CRTC3: variants seen among roughly 807,000 people sequenced by gnomAD.
CRTC3 encodes the protein CREB regulated transcription coactivator 3.
Under a neutral mutation model 74.5 loss-of-function variants are expected in CRTC3, and 26 were observed. That is an observed-to-expected ratio of 0.35 (90% CI 0.26 to 0.48). The LOEUF is 0.48. Ranked by LOEUF, CRTC3 falls within the 20% of genes least tolerant of loss-of-function variation. CRTC3 has a pLI of 0.99. For missense variants in CRTC3, 760 were observed against 787.3 expected (o/e 0.97, Z 0.41); for synonymous variants, 377 against 325.8 (o/e 1.16, Z -1.69).
chr15:90,537,284 G>A (rs1194289281), intron 1 of CRTC3, among the ~76,000 whole-genome samples: 1 of 152,194 alleles, frequency 6.6e-6, no homozygotes, highest in African/African-American at 2.4e-5. Flanking sequence ...TCTTGTGTCT[G>A]TGTCATTTAA....
chr15:90,600,715 G>GAT (rs774071178), intron 3 of CRTC3: 2 of 152,208 alleles, frequency 1.3e-5, no homozygotes, highest in Non-Finnish European at 1.5e-5. Flanking sequence ...TAGGTGCTTA[G>GAT]ATATCTGTTT....
chr15:90,625,971 C>G lies in CRTC3; in HGVS notation c.945C>G (p.His315Gln). The change falls in exon 10 of 15, where the codon CAC becomes CAG. Residue 315 changes from histidine to glutamine, a missense_variant. Physicochemically the swap from His to Gln is conservative, Grantham distance 24 (BLOSUM62 0). Coordinates refer to ENST00000268184, the MANE Select transcript of CRTC3 (RefSeq NM_022769.5). ...ACAACATCCCAGCTGCTATGACCCA[C>G]CTGGGTATAAGAAGCTCCTCTGGTG... Reference protein sequence around the residue: ...SVNNIPAAMTHLGIRSSSGLQ... With the variant: ...SVNNIPAAMTQLGIRSSSGLQ... 6.2e-7 allele frequency: 1 copy of G among 1,614,088 alleles called. No individual in the cohort carries two copies.
intron 2 of CRTC3, among the ~76,000 whole-genome samples, chr15:90,545,658 C>T (rs566440676): frequency 6.6e-6 from 1 of 152,004 alleles, no homozygotes; most frequent in African/African-American, 2.4e-5. Context: ...CTCACTGCAA[C>T]CTCCGCCTCC....
Position 90,643,752 on chromosome 15 carries a change from G to T in CRTC3, c.*1612G>T. ...GAGGGGGGGGTCTAGGCTGTGAGAG[G>T]ACAGGGTGGAGAGGAGGAGAACCCT... On this transcript the variant is annotated 3_prime_UTR_variant, in exon 15 of 15. Transcript: ENST00000268184. 1 of 232,874 alleles carries T rather than the reference G, an allele frequency of 4.3e-6. No homozygotes were observed. The highest frequency in any genetic ancestry group is 8.5e-6 in the Non-Finnish European group (1 of 117,872). The allele number at this position is 232,874 out of a possible 1,614,324, so 14.4% of individuals were successfully genotyped here.
At position 90,604,432 on chromosome 15, in the gene CRTC3, C is replaced by T; in HGVS notation, c.461C>T (p.Thr154Ile). Residue 154 changes from threonine to isoleucine, a missense_variant, in exon 5 of 15, where the codon ACA becomes ATA. This residue lies in a region of CRTC3 where 652 missense variants were observed against 635.2 expected (regional missense o/e 1.03). Transcript: ENST00000268184. Reference sequence around the variant, plus strand: ...GAAAAGCATCCTGGGTTCAGGCTGACATCTGCACTTAACAGGTACATGGGT... The same window carrying T: ...GAAAAGCATCCTGGGTTCAGGCTGATATCTGCACTTAACAGGTACATGGGT... ...KDEKHPGFRLTSALNRTNSDS... is the reference protein window; with the variant it reads ...KDEKHPGFRLISALNRTNSDS... 4 of 1,613,516 alleles carry T rather than the reference C, an allele frequency of 2.5e-6. No homozygotes were observed. The highest frequency in any genetic ancestry group is 1.3e-5 in the African/African-American group (1 of 75,040).
Position 90,638,829 on chromosome 15 carries a change from C to G in CRTC3, c.1548+14C>G, listed in dbSNP as rs1969337161. The G allele has an allele frequency of 1.2e-6, 2 of 1,604,246 alleles. No homozygotes were observed. Among genetic ancestry groups the G allele is most frequent in the Non-Finnish European group, 1.7e-6 (2 of 1,171,184 alleles). On this transcript the variant is annotated intron_variant, in intron 13 of 14. Coordinates refer to ENST00000268184, the MANE Select transcript of CRTC3 (RefSeq NM_022769.5). ...TTTCCTCAACAGGTGGGTGATCGCCCCTGCCTTCTCCTCCCTTGGTGCATA... is the reference window on the plus strand; with the variant it reads ...TTTCCTCAACAGGTGGGTGATCGCCGCTGCCTTCTCCTCCCTTGGTGCATA...
intron 6 of CRTC3, chr15:90,613,520 C>T (rs913438863): frequency 6.6e-6 from 1 of 152,290 alleles, no homozygotes; most frequent in Admixed American, 6.5e-5. Context: ...TTCTCACCTA[C>T]ACTGTATCAC....
At chr15:90,641,783 A>G in intron 14 of CRTC3, 149 bp from the exon 15 acceptor site, 1 of 656,018 alleles carries the variant, frequency 1.5e-6, no homozygotes, top group South Asian at 1.9e-5. Context: ...ACAAGAATGT[A>G]GATTCCAGGG....
intron 2 of CRTC3, among the ~76,000 whole-genome samples, chr15:90,583,495 G>A (rs77238363): frequency 0.12 from 18,079 of 152,124 alleles, 1,327 homozygotes; most frequent in African/African-American, 0.21. Flanking sequence ...TGGATCCCCA[G>A]ATCAGCTGGT....
chr15:90,541,353 G>C (rs1464089818), intron 2 of CRTC3, among the ~76,000 whole-genome samples: 1 of 152,170 alleles, frequency 6.6e-6, no homozygotes, highest in East Asian at 1.9e-4. Flanking sequence ...GTCAAATAAA[G>C]CCAAATGTAT....
intron 2 of CRTC3, among the ~76,000 whole-genome samples, chr15:90,585,306 A>G (rs1266734443): frequency 6.6e-6 from 1 of 152,044 alleles, no homozygotes; most frequent in African/African-American, 2.4e-5. Flanking sequence ...CACTGTGGCT[A>G]GCTAGTTTTT....
intron 10 of CRTC3, among the ~76,000 whole-genome samples, chr15:90,628,914 G>A (rs1410042141): frequency 6.6e-6 from 1 of 152,146 alleles, no homozygotes; most frequent in Non-Finnish European, 1.5e-5. Flanking sequence ...TCCTTTCCCT[G>A]GGTCTGGGCC....
At chr15:90,539,983 G>A (rs940593643) in intron 1 of CRTC3, 56 bp from the exon 2 acceptor site, 1 of 1,152,864 alleles carries the variant, frequency 8.7e-7, no homozygotes, top group Non-Finnish European at 1.3e-6. Flanking sequence ...ATACTTTGAT[G>A]CTTCTTTAGA....
intron 2 of CRTC3, among the ~76,000 whole-genome samples, chr15:90,581,073 A>G (rs1967528980): frequency 6.6e-6 from 1 of 152,146 alleles, no homozygotes; most frequent in Admixed American, 6.5e-5. Flanking sequence ...ATGAGAAAGG[A>G]GTGGCCTGCC....
intron 11 of CRTC3, chr15:90,635,041 C>T: frequency 9.7e-7 from 1 of 1,027,148 alleles, no homozygotes; most frequent in Non-Finnish European, 1.5e-6. Context: ...TGAAATAAGT[C>T]ACTACTGAAA....
intron 2 of CRTC3, among the ~76,000 whole-genome samples, chr15:90,543,116 A>G (rs1489537906): frequency 7.1e-6 from 1 of 140,108 alleles, no homozygotes; most frequent in Non-Finnish European, 1.5e-5. Flanking sequence ...GGCAACATGG[A>G]GAGACCCTGT....
rs140216934 is a variant in CRTC3, at chr15:90,545,264, C to T, written c.231+5127C>T. ...ATCCGCTAATGGATACTTGGGTTGCCGCCACCTCTTGGCTATTGTGAATAA... is the reference window on the plus strand; with the variant it reads ...ATCCGCTAATGGATACTTGGGTTGCTGCCACCTCTTGGCTATTGTGAATAA... On this transcript the variant is annotated intron_variant, in intron 2 of 14. Transcript: ENST00000268184. Among the ~76,000 whole-genome samples the T allele has an allele frequency of 5.3e-5, 8 of 152,200 alleles. No individual in the cohort carries two copies. The East Asian group carries it at 5.8e-4, about 11-fold the overall frequency.
intron 11 of CRTC3, among the ~76,000 whole-genome samples, chr15:90,634,498 G>A (rs1203319158): frequency 6.6e-6 from 1 of 152,142 alleles, no homozygotes; most frequent in Non-Finnish European, 1.5e-5. Context: ...TTTCTTAGTA[G>A]CCTAAATATT....
intron 2 of CRTC3, among the ~76,000 whole-genome samples, chr15:90,566,846 G>T (rs1036896402): frequency 2.6e-5 from 4 of 151,658 alleles, no homozygotes; most frequent in Non-Finnish European, 4.4e-5. Flanking sequence ...GAGTAGCTGG[G>T]ATTATAGGTG....
Sources: allele counts gnomAD v4.1 joint callset (sites outside exome capture counted in the v4.1 genomes callset), GRCh38; gene constraint gnomAD v4.1.1; regional missense constraint gnomAD v4.1.1; transcripts MANE v1.5; gene names NCBI Gene and HGNC (gene_info 2026-07-23, HGNC 2026-07-21).